Variants in CNTN4 observed in about 807,000 individuals in gnomAD.
CNTN4 encodes the protein contactin-4.
In CNTN4, 77 loss-of-function variants were observed where a neutral mutation model predicts 122.5. The observed-to-expected ratio is 0.63, with a 90% CI of 0.52 to 0.76. The LOEUF is 0.76. Among genes scored for constraint, CNTN4 ranks in the 30% least tolerant of loss-of-function variants. The pLI, the probability that CNTN4 is intolerant of heterozygous loss-of-function variation, is 0.00. For missense variants in CNTN4, 1,256 were observed against 1,259.1 expected (o/e 1.00, Z 0.04); for synonymous variants, 512 against 447.0 (o/e 1.15, Z -1.83).
chr3:2,600,008 C>CTTTTT lies in CNTN4; in HGVS notation c.55+28473_55+28477dup, dbSNP rs71058630. On this transcript the variant is annotated intron_variant, in intron 4 of 24. Coordinates refer to ENST00000418658, the MANE Select transcript of CNTN4 (RefSeq NM_175607.3). ...CTCTATTTTGGTTTATGGAATTCTT[C>CTTTTT]TTTTTTTTTTTTTTTTTTTTTTTTT... is the stretch of plus-strand genomic sequence containing the variant. 4.6e-4 allele frequency among the ~76,000 whole-genome samples: 19 copies of CTTTTT among 41,752 alleles called. 1 individual carries two copies. Among genetic ancestry groups the CTTTTT allele is most frequent in the Non-Finnish European group, 7.6e-4 (19 of 24,894 alleles). The allele number at this position is 41,752 out of a possible 152,430, so 27.4% of individuals were successfully genotyped here. A position where few individuals can be genotyped will look rare whatever the true frequency, so the allele number is the denominator to read the frequency against.
At chr3:2,626,414 G>C (rs1045153218) in intron 4 of CNTN4, among the ~76,000 whole-genome samples, 2 of 151,674 alleles carry the variant, frequency 1.3e-5, no homozygotes, top group African/African-American at 4.8e-5. Flanking sequence ...GGAGAATGGC[G>C]GGAACCCAGG....
intron 2 of CNTN4, among the ~76,000 whole-genome samples, chr3:2,325,774 G>T (rs564500345): frequency 6.6e-6 from 1 of 152,172 alleles, no homozygotes; most frequent in Non-Finnish European, 1.5e-5. Flanking sequence ...GATTTGAAAC[G>T]ATTGTGATTT....
intron 2 of CNTN4, among the ~76,000 whole-genome samples, chr3:2,269,115 G>A (rs1392489127): frequency 1.3e-5 from 2 of 152,098 alleles, no homozygotes; most frequent in Non-Finnish European, 2.9e-5. Flanking sequence ...TTCAAATGTG[G>A]TTGTGTCCCC....
intron 3 of CNTN4, among the ~76,000 whole-genome samples, chr3:2,421,378 A>C (rs12632775): frequency 0.92 from 139,266 of 151,652 alleles, 63,964 homozygotes; most frequent in East Asian, 0.98. Flanking sequence ...CAGCCTCCCG[A>C]GTAGCTGGGA....
At chr3:2,849,662 A>C (rs1173082784) in intron 7 of CNTN4, among the ~76,000 whole-genome samples, 1 of 152,214 alleles carries the variant, frequency 6.6e-6, no homozygotes, top group South Asian at 2.1e-4. Context: ...ATCAAGGGAT[A>C]CAATAAGGTT....
chr3:3,034,683 C>G lies in CNTN4; in HGVS notation c.1835C>G (p.Thr612Ser), dbSNP rs775725299. 2.5e-5 allele frequency: 40 copies of G among 1,614,152 alleles called. No individual in the cohort carries two copies. Among genetic ancestry groups the G allele is most frequent in the Middle Eastern group, 1.6e-4 (1 of 6,062 alleles). The change falls in exon 17 of 25, where the codon ACT becomes AGT. Residue 612 changes from threonine to serine, a missense_variant. Physicochemically the swap from Thr to Ser is moderately conservative, Grantham distance 58. Coordinates refer to ENST00000418658, the MANE Select transcript of CNTN4 (RefSeq NM_175607.3). ...ACAATAGACGAAATCACAGATACCA[C>G]TGCTCAGCTCTCCTGGAGACCCGGG... is the stretch of plus-strand genomic sequence containing the variant. ...AVTIDEITDTTAQLSWRPGPD... is the reference protein window; with the variant it reads ...AVTIDEITDTSAQLSWRPGPD...
chr3:2,500,935 T>TC (rs888544838), intron 3 of CNTN4, among the ~76,000 whole-genome samples: 39 of 152,054 alleles, frequency 2.6e-4, no homozygotes, highest in African/African-American at 7.5e-4. Flanking sequence ...TCCTCTTTTT[T>TC]CCCCCCCGCA....
intron 3 of CNTN4, among the ~76,000 whole-genome samples, chr3:2,560,944 A>G (rs2078924376): frequency 6.6e-6 from 1 of 152,110 alleles, no homozygotes; most frequent in Non-Finnish European, 1.5e-5. Context: ...TTGAAATCTT[A>G]TTTCTGCTTC....
At chr3:2,451,241 T>C (rs2048818755) in intron 3 of CNTN4, among the ~76,000 whole-genome samples, 1 of 152,192 alleles carries the variant, frequency 6.6e-6, no homozygotes, top group Non-Finnish European at 1.5e-5. Context: ...TTTTTATTAA[T>C]GTAATAATAG....
intron 3 of CNTN4, among the ~76,000 whole-genome samples, chr3:2,378,461 T>G (rs2045904191): frequency 6.6e-6 from 1 of 152,208 alleles, no homozygotes; most frequent in East Asian, 1.9e-4. Context: ...GGGAATATAG[T>G]CCAGCTTAGT....
chr3:3,035,811 TCC>T (rs1388250078), intron 17 of CNTN4, among the ~76,000 whole-genome samples: 7 of 152,102 alleles, frequency 4.6e-5, no homozygotes, highest in Non-Finnish European at 1.0e-4. Flanking sequence ...TCCATCAGCC[TCC>T]CAAATTGCTG....
intron 2 of CNTN4, among the ~76,000 whole-genome samples, chr3:2,134,857 A>G (rs956980057): frequency 6.6e-6 from 1 of 152,170 alleles, no homozygotes; most frequent in Non-Finnish European, 1.5e-5. Flanking sequence ...TGATTGGGTG[A>G]GGACCTCCCA....
chr3:2,632,434 ATGT>A (rs1262571812), intron 4 of CNTN4, among the ~76,000 whole-genome samples: 1 of 152,162 alleles, frequency 6.6e-6, no homozygotes, highest in Non-Finnish European at 1.5e-5. Flanking sequence ...CTCAGGGGTC[ATGT>A]TGTACGTAAA....
At chr3:2,149,686 T>C (rs1468070136) in intron 2 of CNTN4, among the ~76,000 whole-genome samples, 2 of 152,246 alleles carry the variant, frequency 1.3e-5, no homozygotes, top group Non-Finnish European at 2.9e-5. Context: ...TTTTTAAGAA[T>C]AGTAATGTTT....
intron 2 of CNTN4, among the ~76,000 whole-genome samples, chr3:2,287,563 A>G (rs544512032): frequency 1.8e-4 from 27 of 151,040 alleles, no homozygotes; most frequent in Admixed American, 9.3e-4. Context: ...TGATTGTGCC[A>G]CTGCACTTTA....
chr3:2,109,501 A>G (rs1367874948), intron 2 of CNTN4, among the ~76,000 whole-genome samples: 3 of 152,168 alleles, frequency 2.0e-5, no homozygotes, highest in East Asian at 3.8e-4. Context: ...ACTTGTATTA[A>G]TATAAATCTT....
intron 2 of CNTN4, among the ~76,000 whole-genome samples, chr3:2,198,346 A>G (rs2037943276): frequency 2.0e-5 from 3 of 152,214 alleles, no homozygotes; most frequent in African/African-American, 2.4e-5. Flanking sequence ...AGAATTACAC[A>G]TAGAATTCAA....
intron 2 of CNTN4, among the ~76,000 whole-genome samples, chr3:2,125,905 G>T (rs1465591817): frequency 6.6e-6 from 1 of 150,818 alleles, no homozygotes; most frequent in Non-Finnish European, 1.5e-5. Flanking sequence ...GTGTGTGTGT[G>T]TGTGTGTGTG....
intron 2 of CNTN4, among the ~76,000 whole-genome samples, chr3:2,126,019 C>G (rs147901916): frequency 2.8e-4 from 42 of 152,052 alleles, no homozygotes; most frequent in South Asian, 6.2e-4. Context: ...AATTGTCACT[C>G]TGTTATACTA....
Sources: gnomAD v4.1 joint callset for allele counts (sites outside exome capture counted in the v4.1 genomes callset) on GRCh38, gnomAD v4.1.1 for gene constraint, MANE v1.5 for transcripts, NCBI Gene and HGNC (gene_info 2026-07-23, HGNC 2026-07-21) for gene names.